Variants in CAPZB observed in about 807,000 individuals in gnomAD.
The protein encoded by CAPZB is F-actin-capping protein subunit beta.
In CAPZB, 2 loss-of-function variants were observed where a neutral mutation model predicts 38.1. The ratio of observed to expected loss-of-function variants is 0.05; its 90% CI spans 0.02 to 0.17. CAPZB has a LOEUF of 0.17. CAPZB is among the 10% of genes least tolerant of loss of function. The probability of loss-of-function intolerance (pLI) is 1.00; values close to 1 mark genes in which losing one functional copy is unlikely to be tolerated. For missense variants in CAPZB, 161 were observed against 334.2 expected (o/e 0.48, Z 4.04); for synonymous variants, 107 against 127.4 (o/e 0.84, Z 1.08).
intron 1 of CAPZB, among the ~76,000 whole-genome samples, chr1:19,429,483 CA>C (rs2100569311): frequency 6.6e-6 from 1 of 152,270 alleles, no homozygotes; most frequent in Non-Finnish European, 1.5e-5. Context: ...CCTGCATAAG[CA>C]AGTCACCACC....
chr1:19,371,969 A>G (rs1366959658), intron 4 of CAPZB, among the ~76,000 whole-genome samples: 1 of 152,238 alleles, frequency 6.6e-6, no homozygotes, highest in African/African-American at 2.4e-5. Context: ...TGGGGAGCCC[A>G]GGCCGGGGGG....
chr1:19,461,243 G>T (rs917064213), intron 1 of CAPZB, among the ~76,000 whole-genome samples: 4 of 152,138 alleles, frequency 2.6e-5, no homozygotes, highest in South Asian at 4.1e-4. Context: ...GTAAGCAGGG[G>T]GTGGAGCCCA....
intron 2 of CAPZB, among the ~76,000 whole-genome samples, chr1:19,416,458 G>C (rs1054223438): frequency 1.3e-5 from 2 of 152,048 alleles, no homozygotes; most frequent in Non-Finnish European, 2.9e-5. Flanking sequence ...CCTTACAGGG[G>C]TGTTGTATGA....
intron 8 of CAPZB, among the ~76,000 whole-genome samples, chr1:19,341,520 C>T (rs2093928652): frequency 6.6e-6 from 1 of 152,140 alleles, no homozygotes; most frequent in South Asian, 2.1e-4. Context: ...GAGCAGGGGG[C>T]TTATTTAAGG....
rs563874715 is a variant in CAPZB at position 19,452,186 on chromosome 1, G to A, written c.4-32436C>T. On this transcript the variant is annotated intron_variant, in intron 1 of 8. Transcript: ENST00000264202. ...CATGTCCCAGCCTGCTCCTGCCCCCGACTCAGCTCCTTCCTGCCAGGCTTC... is the reference window on the plus strand; with the variant it reads ...CATGTCCCAGCCTGCTCCTGCCCCCAACTCAGCTCCTTCCTGCCAGGCTTC... Among the ~76,000 whole-genome samples the A allele has an allele frequency of 5.3e-5, 8 of 151,730 alleles. No homozygotes were observed. In the East Asian group the frequency reaches 5.9e-4, roughly 11 times the overall value.
chr1:19,460,011 G>A (rs571303468), intron 1 of CAPZB, among the ~76,000 whole-genome samples: 1 of 149,270 alleles, frequency 6.7e-6, no homozygotes, highest in South Asian at 2.2e-4. Context: ...TTATCCCAAA[G>A]AGAAGTTGCC....
chr1:19,347,836 C>T lies in CAPZB; in HGVS notation c.589-2584G>A, dbSNP rs910764017. 5.1e-4 allele frequency among the ~76,000 whole-genome samples: 77 copies of T among 152,152 alleles called. 2 individuals carry two copies. The highest frequency in any genetic ancestry group is 1.0e-4 in the Non-Finnish European group (7 of 68,002). On this transcript the variant is annotated intron_variant, in intron 6 of 8. Transcript: ENST00000264202. The stretch of plus-strand genomic sequence containing the variant: ...TGTTTTAAACCCAAGGAAACCGAAG[C>T]TTAAAGAAGCAAGAATCATACAGCA...
intron 4 of CAPZB, among the ~76,000 whole-genome samples, chr1:19,369,741 TG>T (rs760085328): frequency 2.0e-5 from 3 of 152,238 alleles, no homozygotes; most frequent in Non-Finnish European, 4.4e-5. Flanking sequence ...CAGACCTCGC[TG>T]AAGGGACAGG....
At chr1:19,397,940 G>A (rs2094281342) in intron 2 of CAPZB, among the ~76,000 whole-genome samples, 1 of 152,168 alleles carries the variant, frequency 6.6e-6, no homozygotes, top group African/African-American at 2.4e-5. Context: ...CGCCCAGAGG[G>A]ACAGACCAAC....
chr1:19,483,323 A>G (rs1428555025), intron 1 of CAPZB, among the ~76,000 whole-genome samples: 3 of 152,222 alleles, frequency 2.0e-5, no homozygotes, highest in South Asian at 2.1e-4. Flanking sequence ...AACAGTTTAG[A>G]GCCTGCCAGA....
At chr1:19,482,074 T>C (rs1030028789) in intron 1 of CAPZB, among the ~76,000 whole-genome samples, 1 of 152,228 alleles carries the variant, frequency 6.6e-6, no homozygotes, top group Non-Finnish European at 1.5e-5. Flanking sequence ...GGCAGGCTTC[T>C]AACGGGCGAG....
intron 3 of CAPZB, among the ~76,000 whole-genome samples, 186 bp from the exon 4 acceptor site, chr1:19,378,839 C>A (rs774075990): frequency 6.6e-6 from 1 of 152,154 alleles, no homozygotes; most frequent in Non-Finnish European, 1.5e-5. Context: ...GGCTCTGATG[C>A]GGGCAGACTG....
intron 1 of CAPZB, among the ~76,000 whole-genome samples, chr1:19,465,445 C>T (rs1158527231): frequency 8.5e-5 from 13 of 152,204 alleles, no homozygotes; most frequent in Admixed American, 8.5e-4. Flanking sequence ...CTGTTGTGTA[C>T]AAATTATTCA....
At position 19,476,241 on chromosome 1, in the gene CAPZB, C is replaced by G. The variant is rs188427154; in HGVS notation, c.3+9195G>C. Among the ~76,000 whole-genome samples, 5 of 151,820 alleles carry G rather than the reference C, an allele frequency of 3.3e-5. No homozygotes were observed. The South Asian group carries it at 6.3e-4, about 19-fold the overall frequency. On this transcript the variant is annotated intron_variant, in intron 1 of 8. Coordinates refer to ENST00000264202, the MANE Select transcript of CAPZB (RefSeq NM_004930.5). ...ATAGATAGATAGGCAGGCAGGCAGG[C>G]ACTGTGGCACATGCCTGTTATCCCA... is the stretch of plus-strand genomic sequence containing the variant.
At chr1:19,476,901 G>A (rs1286800590) in intron 1 of CAPZB, among the ~76,000 whole-genome samples, 1 of 152,238 alleles carries the variant, frequency 6.6e-6, no homozygotes, top group East Asian at 1.9e-4. Context: ...CCATGGGCTG[G>A]TGCCAGAGAG....
At chr1:19,471,860 C>T (rs571405542) in intron 1 of CAPZB, among the ~76,000 whole-genome samples, 23 of 96,988 alleles carry the variant, frequency 2.4e-4, no homozygotes, top group South Asian at 1.1e-3. Flanking sequence ...AGCGAGACTC[C>T]GTCTCAAAAA....
intron 1 of CAPZB, among the ~76,000 whole-genome samples, chr1:19,480,099 A>G (rs2094622196): frequency 6.6e-6 from 1 of 152,134 alleles, no homozygotes; most frequent in Non-Finnish European, 1.5e-5. Flanking sequence ...GGCAGACCAC[A>G]GCACCCATGG....
At chr1:19,349,807 AG>A (rs2093981959) in intron 6 of CAPZB, among the ~76,000 whole-genome samples, 1 of 151,960 alleles carries the variant, frequency 6.6e-6, no homozygotes, top group Non-Finnish European at 1.5e-5. Context: ...TTGGGGAGTG[AG>A]GGGCACAGGG....
At chr1:19,464,026 A>T (rs1008670498) in intron 1 of CAPZB, among the ~76,000 whole-genome samples, 81 of 151,234 alleles carry the variant, frequency 5.4e-4, no homozygotes, top group African/African-American at 1.9e-3. Flanking sequence ...AATACAAAAA[A>T]AAAAAAAAAA....
Sources: gnomAD v4.1 joint callset for allele counts (sites outside exome capture counted in the v4.1 genomes callset) on GRCh38, gnomAD v4.1.1 for gene constraint, MANE v1.5 for transcripts, NCBI Gene and HGNC (gene_info 2026-07-23, HGNC 2026-07-21) for gene names.